Variants in WDR49 observed in about 807,000 individuals in gnomAD.
The protein encoded by WDR49 is cilia- and flagella-associated protein 337.
WDR49 carries 107 observed loss-of-function variants against 119.5 expected under a neutral mutation model. The ratio of observed to expected loss-of-function variants is 0.90; its 90% CI spans 0.77 to 1.05. The LOEUF (loss-of-function observed/expected upper bound fraction) is 1.05. Ranked by LOEUF, WDR49 falls within the 50% of genes least tolerant of loss-of-function variation. WDR49 has a pLI of 0.00. For synonymous variants in WDR49, 425 were observed against 418.8 expected (o/e 1.01, Z -0.18); for missense variants, 1,240 against 1,220.5 (o/e 1.02, Z -0.24).
intron 10 of WDR49, among the ~76,000 whole-genome samples, chr3:167,548,142 G>A (rs1712321539): frequency 6.6e-6 from 1 of 151,958 alleles, no homozygotes; most frequent in Non-Finnish European, 1.5e-5. Context: ...GGCATAAAAT[G>A]TTTTAAATGG....
At chr3:167,531,505 T>G (rs1752853015) in intron 12 of WDR49, among the ~76,000 whole-genome samples, 2 of 152,118 alleles carry the variant, frequency 1.3e-5, no homozygotes, top group African/African-American at 4.8e-5. Flanking sequence ...ACTTGCTCTG[T>G]TTTCACTTGA....
At chr3:167,514,628 GACACACACACACACAC>G (rs59265631) in intron 16 of WDR49, among the ~76,000 whole-genome samples, 24 of 141,030 alleles carry the variant, frequency 1.7e-4, no homozygotes, top group Middle Eastern at 3.6e-3. Flanking sequence ...AGGAGATGCA[GACACACACACACACAC>G]ACACACACAC....
intron 18 of WDR49, among the ~76,000 whole-genome samples, chr3:167,496,959 G>A (rs1751378769): frequency 6.6e-6 from 1 of 152,124 alleles, no homozygotes; most frequent in South Asian, 2.1e-4. Context: ...AATATCTGAA[G>A]TCATTCATTG....
chr3:167,505,302 C>A lies in WDR49; in HGVS notation c.2884+5G>T. Reference sequence around the variant, plus strand: ...AAAAATACATTAACAACAGTGACTACTTACTGAATGATTTTTTTATAACTT... The same window carrying A: ...AAAAATACATTAACAACAGTGACTAATTACTGAATGATTTTTTTATAACTT... On this transcript the variant is annotated splice_donor_5th_base_variant and intron_variant, in intron 17 of 18. Transcript: ENST00000682715. The A allele has an allele frequency of 6.7e-7, 1 of 1,495,486 alleles. No individual in the cohort carries two copies. The highest frequency in any genetic ancestry group is 8.9e-7 in the Non-Finnish European group (1 of 1,129,910). 92.6% of individuals were successfully genotyped at this position (1,495,486 alleles called of 1,614,324 possible).
intron 5 of WDR49, among the ~76,000 whole-genome samples, chr3:167,612,968 A>T (rs1470212916): frequency 6.6e-6 from 1 of 152,238 alleles, no homozygotes; most frequent in Non-Finnish European, 1.5e-5. Flanking sequence ...AAAAAGAGTA[A>T]GACTATTGTT....
upstream of WDR49, among the ~76,000 whole-genome samples, chr3:167,657,508 A>G (rs1398656169): frequency 6.6e-6 from 1 of 152,076 alleles, no homozygotes; most frequent in African/African-American, 2.4e-5. Context: ...CCTACAAGGC[A>G]GTTATGATCA....
intron 7 of WDR49, among the ~76,000 whole-genome samples, chr3:167,598,619 C>A (rs747813863): frequency 1.6e-4 from 25 of 152,208 alleles, no homozygotes; most frequent in Non-Finnish European, 2.6e-4. Context: ...TGATTGTAAG[C>A]TTCCTGAGGG....
chr3:167,534,290 C>A (rs918215714), intron 11 of WDR49, among the ~76,000 whole-genome samples: 3 of 152,100 alleles, frequency 2.0e-5, no homozygotes, highest in African/African-American at 7.2e-5. Context: ...TCCATCTTCT[C>A]CTATGCTTTA....
At chr3:167,591,620 C>G (rs998889944) in intron 7 of WDR49, among the ~76,000 whole-genome samples, 2 of 152,098 alleles carry the variant, frequency 1.3e-5, no homozygotes, top group African/African-American at 4.8e-5. Context: ...TTGTTATATT[C>G]TCTTGCTGAA....
chr3:167,632,924 T>C (rs1452997875), intron 2 of WDR49, among the ~76,000 whole-genome samples: 2 of 152,090 alleles, frequency 1.3e-5, no homozygotes, highest in Non-Finnish European at 2.9e-5. Context: ...TGAGGATCTA[T>C]TCATAATTTA....
intron 17 of WDR49, among the ~76,000 whole-genome samples, chr3:167,502,137 G>A (rs1413536519): frequency 2.6e-5 from 4 of 152,052 alleles, no homozygotes; most frequent in African/African-American, 7.2e-5. Flanking sequence ...AACGTGTGTG[G>A]CACCACCCCC....
At chr3:167,555,046 A>G (rs1394593488) in intron 9 of WDR49, among the ~76,000 whole-genome samples, 1 of 152,186 alleles carries the variant, frequency 6.6e-6, no homozygotes. Flanking sequence ...TATGCTAATG[A>G]CATGACTCCA....
At chr3:167,561,604 G>T (rs1312617465) in intron 8 of WDR49, among the ~76,000 whole-genome samples, 1 of 152,132 alleles carries the variant, frequency 6.6e-6, no homozygotes. Flanking sequence ...TGGGGGATTG[G>T]GTTAGGGAGT....
chr3:167,540,460 C>T (rs1037719680), intron 10 of WDR49, among the ~76,000 whole-genome samples: 4 of 152,050 alleles, frequency 2.6e-5, no homozygotes, highest in African/African-American at 7.2e-5. Context: ...CAGTCTGGCT[C>T]GTAGGAAGCC....
At chr3:167,550,408 A>C (rs1410301187) in intron 10 of WDR49, among the ~76,000 whole-genome samples, 1 of 152,050 alleles carries the variant, frequency 6.6e-6, no homozygotes, top group Non-Finnish European at 1.5e-5. Flanking sequence ...GAGGTCCTTC[A>C]CATCCCTTGT....
chr3:167,636,585 G>T (rs560621238), intron 2 of WDR49, among the ~76,000 whole-genome samples: 2 of 151,776 alleles, frequency 1.3e-5, no homozygotes, highest in Admixed American at 6.6e-5. Flanking sequence ...TTTCACAGTG[G>T]TTGTACTAGT....
intron 7 of WDR49, among the ~76,000 whole-genome samples, chr3:167,580,595 A>C (rs1473464352): frequency 6.6e-6 from 1 of 152,178 alleles, no homozygotes; most frequent in Non-Finnish European, 1.5e-5. Flanking sequence ...CCCTCAGCTT[A>C]ATTAGTAATA....
intron 7 of WDR49, among the ~76,000 whole-genome samples, chr3:167,578,051 C>T: frequency 6.6e-6 from 1 of 152,142 alleles, no homozygotes; most frequent in Non-Finnish European, 1.5e-5. Flanking sequence ...AAATCTTCTT[C>T]TACCTTTTCA....
Position 167,602,290 on chromosome 3 carries a change from A to G in WDR49, c.1127-15T>C, listed in dbSNP as rs750362661. ...GCCAGCAGTTGCTAATCAGAATTAG[A>G]AAGAAAAAAAATGTTTTTAATAGCA... is the stretch of plus-strand genomic sequence containing the variant. On this transcript the variant is annotated splice_polypyrimidine_tract_variant and intron_variant, in intron 6 of 18. Coordinates refer to ENST00000682715, the MANE Select transcript of WDR49 (RefSeq NM_001366157.1). The G allele has an allele frequency of 3.2e-6, 5 of 1,552,734 alleles. No individual in the cohort carries two copies. In the South Asian group the frequency reaches 6.0e-5, roughly 19 times the overall value.
Sources: allele counts gnomAD v4.1 joint callset (sites outside exome capture counted in the v4.1 genomes callset), GRCh38; gene constraint gnomAD v4.1.1; transcripts MANE v1.5; gene names NCBI Gene and HGNC (gene_info 2026-07-23, HGNC 2026-07-21).